Variants in EEF1AKMT1 observed in about 807,000 individuals in gnomAD.
EEF1AKMT1 encodes the protein N-6 adenine-specific DNA methyltransferase 2 (putative).
In EEF1AKMT1, 18 loss-of-function variants were observed where a neutral mutation model predicts 21.0. That is an observed-to-expected ratio of 0.86 (90% CI 0.59 to 1.27). The LOEUF is 1.27. Among genes scored for constraint, EEF1AKMT1 ranks in the 50% most tolerant of loss-of-function variants. The probability of loss-of-function intolerance (pLI) is 0.00; values close to 1 mark genes in which losing one functional copy is unlikely to be tolerated. For missense variants in EEF1AKMT1, 246 were observed against 258.6 expected (o/e 0.95, Z 0.33); for synonymous variants, 109 against 94.8 (o/e 1.15, Z -0.87).
intron 2 of EEF1AKMT1, among the ~76,000 whole-genome samples, chr13:20,752,525 T>G (rs567096791): frequency 6.6e-6 from 1 of 152,208 alleles, no homozygotes; most frequent in Admixed American, 6.5e-5. Context: ...TTTTTTTTGA[T>G]GTACTATTGG....
At chr13:20,765,419 T>TG (rs1566539284) in intron 1 of EEF1AKMT1, among the ~76,000 whole-genome samples, 16 of 131,770 alleles carry the variant, frequency 1.2e-4, no homozygotes, top group African/African-American at 4.6e-4. Context: ...TTTTTTTTTT[T>TG]TTTTTTTTTT....
At chr13:20,763,013 C>A (rs1028643302) in intron 1 of EEF1AKMT1, among the ~76,000 whole-genome samples, 3 of 152,176 alleles carry the variant, frequency 2.0e-5, no homozygotes, top group Non-Finnish European at 4.4e-5. Flanking sequence ...TTCCACTTAA[C>A]TGATTCTTCT....
chr13:20,738,703 T>TA (rs1260589625), intron 2 of EEF1AKMT1, among the ~76,000 whole-genome samples: 4 of 152,220 alleles, frequency 2.6e-5, no homozygotes, highest in African/African-American at 9.6e-5. Context: ...TTGGAAACAT[T>TA]ACACTGAACG....
rs1323230750 is a variant in EEF1AKMT1 at position 20,740,862 on chromosome 13, A to G, written c.145-3057T>C. Among the ~76,000 whole-genome samples, 5 of 152,228 alleles carry G rather than the reference A, an allele frequency of 3.3e-5. No individual in the cohort carries two copies. The East Asian group carries it at 9.7e-4, about 30-fold the overall frequency. ...AAGGTGAATTTATGGTATGTGAATT[A>G]TATCTCAACAAAACTGAGATCTGCT... On this transcript the variant is annotated intron_variant, in intron 2 of 4. Transcript: ENST00000382758.
chr13:20,728,945 T>C lies in EEF1AKMT1; in HGVS notation c.*135A>G. ...GGAAACAATAATGAAGATCGCACAC[T>C]TTATTTTGAAAACCAGGCCAGGGAC... On this transcript the variant is annotated 3_prime_UTR_variant, in exon 5 of 5. Transcript: ENST00000382758. 8.4e-7 allele frequency: 1 copy of C among 1,188,760 alleles called. No homozygotes were observed. The highest frequency in any genetic ancestry group is 2.3e-5 in the East Asian group (1 of 42,570). 73.6% of individuals were successfully genotyped at this position (1,188,760 alleles called of 1,614,324 possible).
At chr13:20,754,262 GT>G (rs386378396) in intron 2 of EEF1AKMT1, among the ~76,000 whole-genome samples, 14 of 114,784 alleles carry the variant, frequency 1.2e-4, no homozygotes, top group African/African-American at 3.3e-4. Context: ...TTTGTTGGCA[GT>G]TTTTTTTTCT....
In EEF1AKMT1 at chr13:20,759,975, G is replaced by C. The variant is rs934818841; in HGVS notation, c.-19-2358C>G. ...AAAAAATTAGCCGGGTGTGGTGGCG[G>C]GCACCTGTAGTCCCAGCTACTCGGG... On this transcript the variant is annotated intron_variant, in intron 1 of 4. Coordinates refer to ENST00000382758, the MANE Select transcript of EEF1AKMT1 (RefSeq NM_001318939.2). 2.6e-5 allele frequency among the ~76,000 whole-genome samples: 4 copies of C among 151,866 alleles called. No homozygotes were observed. The South Asian group carries it at 8.3e-4, about 32-fold the overall frequency.
chr13:20,732,056 G>A lies in EEF1AKMT1; in HGVS notation c.293C>T (p.Ser98Leu), dbSNP rs748024573. The A allele has an allele frequency of 3.1e-6, 5 of 1,613,984 alleles. No homozygotes were observed. The highest frequency in any genetic ancestry group is 1.1e-5 in the South Asian group (1 of 91,072). ...KLRELCRENFSIYIFEYDKRF... is the reference protein window; with the variant it reads ...KLRELCRENFLIYIFEYDKRF... Reference sequence around the variant, plus strand: ...TTTGTCATATTCAAAGATGTATATCGAAAAGTTTTCTCTGCACAGCTCTCT... The same window carrying A: ...TTTGTCATATTCAAAGATGTATATCAAAAAGTTTTCTCTGCACAGCTCTCT... Residue 98 changes from serine to leucine, a missense_variant, in exon 4 of 5, where the codon TCG (serine) becomes TTG (leucine). Ser to Leu is a moderately radical substitution (Grantham distance 145). Transcript: ENST00000382758.
At chr13:20,762,882 G>C (rs954273480) in intron 1 of EEF1AKMT1, among the ~76,000 whole-genome samples, 3 of 152,034 alleles carry the variant, frequency 2.0e-5, no homozygotes, top group African/African-American at 7.2e-5. Context: ...ATCATGAATG[G>C]GTGTTGAATT....
Sources: gnomAD v4.1 joint callset for allele counts (sites outside exome capture counted in the v4.1 genomes callset) on GRCh38, gnomAD v4.1.1 for gene constraint, MANE v1.5 for transcripts, NCBI Gene and HGNC (gene_info 2026-07-23, HGNC 2026-07-21) for gene names.